ERCC6: variants seen among roughly 807,000 people sequenced by gnomAD.
ERCC6 encodes DNA excision repair protein ERCC-6.
Under a neutral mutation model 158.7 loss-of-function variants are expected in ERCC6, and 116 were observed. That is an observed-to-expected ratio of 0.73 (90% confidence interval 0.63 to 0.85). The LOEUF (loss-of-function observed/expected upper bound fraction) is 0.85, where lower values mean the gene tolerates loss of function less well. Ranked by LOEUF, ERCC6 falls within the 40% of genes least tolerant of loss-of-function variation. ERCC6 has a pLI of 0.00. For missense variants in ERCC6, 1,698 were observed against 1,799.4 expected, an observed-to-expected ratio of 0.94 and a Z score of 1.02; for synonymous variants, 678 against 659.3, an observed-to-expected ratio of 1.03 and a Z score of -0.43.
At chr10:49,499,112 T>C (rs1851313916) in intron 7 of ERCC6, among the ~76,000 whole-genome samples, 1 of 152,224 alleles carries the variant, frequency 6.6e-6, no homozygotes, top group Admixed American at 6.5e-5. Flanking sequence ...ACTTTTCCTT[T>C]GGTCTGGAAT....
At chr10:49,492,569 T>G (rs1402547069) in intron 8 of ERCC6, among the ~76,000 whole-genome samples, 1 of 152,204 alleles carries the variant, frequency 6.6e-6, no homozygotes, top group Non-Finnish European at 1.5e-5. Context: ...AGCTCTTTTT[T>G]GATACTGTGA....
In ERCC6 at chr10:49,458,521, G is replaced by A. The variant is rs1850519915; in HGVS notation, c.*294C>T. 2.8e-6 allele frequency: 1 copy of A among 362,256 alleles called. No homozygotes were observed. Among genetic ancestry groups the A allele is most frequent in the African/African-American group, 2.1e-5 (1 of 47,838 alleles). 22.4% of individuals were successfully genotyped at this position (362,256 alleles called of 1,614,324 possible). On this transcript the variant is annotated 3_prime_UTR_variant, in exon 21 of 21. Coordinates refer to ENST00000355832, the MANE Select transcript of ERCC6 (RefSeq NM_000124.4). Reference sequence around the variant, plus strand: ...TCCCTGACAGCATCTTTTGGGTAAAGGAACAAATGTGCTCCAAGGAGTAAC... The same window carrying A: ...TCCCTGACAGCATCTTTTGGGTAAAAGAACAAATGTGCTCCAAGGAGTAAC...
At chr10:49,529,534 G>GGAGA (rs1837419653) in intron 3 of ERCC6, among the ~76,000 whole-genome samples, 1 of 152,168 alleles carries the variant, frequency 6.6e-6, no homozygotes, top group Non-Finnish European at 1.5e-5. Flanking sequence ...CTCTGATTTG[G>GGAGA]GAGGACCCAC....
At chr10:49,506,065 T>C in intron 5 of ERCC6, 53 bp from the exon 6 acceptor site, 2 of 1,602,084 alleles carry the variant, frequency 1.2e-6, no homozygotes, top group Non-Finnish European at 1.7e-6. Context: ...AAGACAGATT[T>C]AAAAAGATAG....
At chr10:49,439,804 C>T in the ERCC6 span, among the ~76,000 whole-genome samples, 2 of 152,164 alleles carry the variant, frequency 1.3e-5, no homozygotes, top group Non-Finnish European at 2.9e-5. Context: ...TAAATCATTG[C>T]TCTCAAGTTC....
chr10:49,537,088 G>A (rs1052546941), intron 1 of ERCC6, among the ~76,000 whole-genome samples: 1 of 152,188 alleles, frequency 6.6e-6, no homozygotes, highest in Non-Finnish European at 1.5e-5. Flanking sequence ...GCTCATGCCT[G>A]TAATCCCAGC....
downstream of ERCC6, among the ~76,000 whole-genome samples, chr10:49,452,075 AT>A (rs1850426987): frequency 6.6e-6 from 1 of 151,456 alleles, no homozygotes; most frequent in Non-Finnish European, 1.5e-5. Context: ...TTCTAGTAAT[AT>A]TTTCTCTATT....
intron 5 of ERCC6, among the ~76,000 whole-genome samples, chr10:49,522,957 G>C (rs920369397): frequency 1.3e-5 from 2 of 152,182 alleles, no homozygotes; most frequent in Admixed American, 1.3e-4. Context: ...TCAAATTACT[G>C]TTTAAAAGAA....
intron 5 of ERCC6, among the ~76,000 whole-genome samples, chr10:49,511,503 C>T (rs1410872367): frequency 6.6e-6 from 1 of 151,672 alleles, no homozygotes; most frequent in Non-Finnish European, 1.5e-5. Flanking sequence ...CAGCTCACTG[C>T]AACCTCCACT....
At chr10:49,535,259 T>G (rs1837570013) in intron 1 of ERCC6, among the ~76,000 whole-genome samples, 1 of 152,214 alleles carries the variant, frequency 6.6e-6, no homozygotes, top group African/African-American at 2.4e-5. Context: ...ATGTAATCAG[T>G]ACCATTTGCA....
chr10:49,467,726 C>T (rs187758327), intron 18 of ERCC6, among the ~76,000 whole-genome samples: 4 of 151,784 alleles, frequency 2.6e-5, no homozygotes, highest in South Asian at 4.2e-4. Flanking sequence ...CTACCACACC[C>T]GGCTATTTTT....
At chr10:49,437,309 G>A in the ERCC6 span, among the ~76,000 whole-genome samples, 9 of 152,066 alleles carry the variant, frequency 5.9e-5, no homozygotes, top group South Asian at 2.1e-4. Flanking sequence ...GCATGAAAAC[G>A]GACTAATATA....
chr10:49,503,875 G>A (rs1851396025), intron 6 of ERCC6: 1 of 152,128 alleles, frequency 6.6e-6, no homozygotes, highest in East Asian at 1.9e-4. Flanking sequence ...CAAATAATTG[G>A]TGTACATTGG....
At chr10:49,533,166 A>G (rs1837513525) in intron 1 of ERCC6, among the ~76,000 whole-genome samples, 188 bp from the exon 2 acceptor site, 1 of 152,240 alleles carries the variant, frequency 6.6e-6, no homozygotes, top group South Asian at 2.1e-4. Flanking sequence ...CTGATAATAA[A>G]TAAGAAAAAT....
At chr10:49,509,066 CTA>C (rs1851493225) in intron 5 of ERCC6, among the ~76,000 whole-genome samples, 1 of 152,134 alleles carries the variant, frequency 6.6e-6, no homozygotes, top group Non-Finnish European at 1.5e-5. Flanking sequence ...CTCAGACTAG[CTA>C]TAGTCAAATC....
chr10:49,484,689 A>C (rs1277745017), intron 8 of ERCC6, among the ~76,000 whole-genome samples: 3 of 152,246 alleles, frequency 2.0e-5, no homozygotes, highest in Non-Finnish European at 4.4e-5. Context: ...ACAGTGAGCT[A>C]TAATCTCACC....
intron 9 of ERCC6, 30 bp from the exon 10 acceptor site, chr10:49,482,893 T>C (rs375439634): frequency 1.2e-6 from 2 of 1,613,186 alleles, no homozygotes; most frequent in Non-Finnish European, 1.7e-6. Flanking sequence ...ACCTTTTTAT[T>C]AAATTTACCT....
At chr10:49,538,353 G>A (rs913043725) in intron 1 of ERCC6, among the ~76,000 whole-genome samples, 3 of 152,246 alleles carry the variant, frequency 2.0e-5, no homozygotes, top group Non-Finnish European at 4.4e-5. Context: ...AAACTGTTAA[G>A]TAGGCTGATG....
At chr10:49,441,369 C>T in the ERCC6 span, among the ~76,000 whole-genome samples, 1 of 152,210 alleles carries the variant, frequency 6.6e-6, no homozygotes, top group African/African-American at 2.4e-5. Flanking sequence ...CCCTGGCTGC[C>T]CGCAGTGCAG....
Sources: allele counts gnomAD v4.1 joint callset (sites outside exome capture counted in the v4.1 genomes callset), GRCh38; gene constraint gnomAD v4.1.1; transcripts MANE v1.5; gene names NCBI Gene and HGNC (gene_info 2026-07-23, HGNC 2026-07-21).